DYNC1H1: variants seen among roughly 807,000 people sequenced by gnomAD.
DYNC1H1 encodes dynein cytoplasmic 1 heavy chain 1.
A neutral mutation model predicts 527.1 loss-of-function variants in DYNC1H1; 51 were observed. The ratio of observed to expected loss-of-function variants is 0.10; its 90% CI spans 0.08 to 0.12. The LOEUF (loss-of-function observed/expected upper bound fraction) is 0.12, where lower values mean the gene tolerates loss of function less well. DYNC1H1 is among the 10% of genes least tolerant of loss of function. The pLI is 1.00. For missense variants in DYNC1H1, 2,771 were observed against 5,971.8 expected (o/e 0.46, Z 17.66); for synonymous variants, 2,189 against 2,278.8 (o/e 0.96, Z 1.12).
At position 101,965,242 on chromosome 14, in the gene DYNC1H1, CG is replaced by C. The variant is rs1566991283; in HGVS notation, c.256+296del. ...GTCGCGGGGAGGGGAAAGGGGTCCC[CG>C]TCTGCCGTCACCCAAAACAATGGGG... On this transcript the variant is annotated intron_variant, in intron 1 of 77. Coordinates refer to ENST00000360184, the MANE Select transcript of DYNC1H1 (RefSeq NM_001376.5). The surrounding 1 kb of genome is among the most constrained non-coding windows in gnomAD (Gnocchi z 4.1). Among the ~76,000 whole-genome samples, 1 of 152,190 alleles carries C rather than the reference CG, an allele frequency of 6.6e-6. No individual in the cohort carries two copies. The highest frequency in any genetic ancestry group is 2.4e-5 in the African/African-American group (1 of 41,466).
intron 7 of DYNC1H1, among the ~76,000 whole-genome samples, chr14:101,984,445 A>ATTTTT (rs1444213016): frequency 1.8e-4 from 17 of 92,844 alleles, no homozygotes; most frequent in African/African-American, 5.2e-4. Flanking sequence ...ATATATATAT[A>ATTTTT]TTATATTTTT....
Position 102,044,862 on chromosome 14 carries a change from G to A in DYNC1H1, c.13006+164G>A, listed in dbSNP as rs2048697041. The A allele has an allele frequency of 2.6e-6, 2 of 761,704 alleles. No individual in the cohort carries two copies. Among genetic ancestry groups the A allele is most frequent in the Non-Finnish European group, 4.3e-6 (2 of 461,726 alleles). 47.2% of individuals were successfully genotyped at this position (761,704 alleles called of 1,614,324 possible). On this transcript the variant is annotated intron_variant, in intron 72 of 77. Transcript: ENST00000360184. This position sits in a 1 kb window ranked among gnomAD's most constrained non-coding sequence, Gnocchi z 7.1. ...TCTGTCAGCCTCGGCCTTCCTGCCA[G>A]TCTCCAGCTGCTCCTAGCTCCACTC...
Position 102,027,122 on chromosome 14 carries a change from G to A in DYNC1H1, c.8772-52G>A. On this transcript the variant is annotated intron_variant, in intron 44 of 77. Coordinates refer to ENST00000360184, the MANE Select transcript of DYNC1H1 (RefSeq NM_001376.5). The surrounding 1 kb of genome is among the most constrained non-coding windows in gnomAD (Gnocchi z 7.7). Reference sequence around the variant, plus strand: ...GTAGACACTAGATATGAGTCAAAAGGGGAATGAGGCATTATAAGCCTTAAC... The same window carrying A: ...GTAGACACTAGATATGAGTCAAAAGAGGAATGAGGCATTATAAGCCTTAAC... 1.3e-6 allele frequency: 2 copies of A among 1,566,994 alleles called. No homozygotes were observed. Among genetic ancestry groups the A allele is most frequent in the East Asian group, 2.2e-5 (1 of 44,642 alleles).
rs374841413 is a variant in DYNC1H1, at chr14:102,038,628, C to T, written c.11055+22C>T. The T allele has an allele frequency of 1.3e-4, 212 of 1,614,106 alleles. No individual in the cohort carries two copies. The highest frequency in any genetic ancestry group is 1.7e-4 in the Non-Finnish European group (200 of 1,180,054). ...AACTGTAAGGAATGGGACCCTTCCC[C>T]AGGGAAATCTGGCAGGATGTGGTTT... On this transcript the variant is annotated intron_variant, in intron 58 of 77. Transcript: ENST00000360184. The surrounding 1 kb of genome is among the most constrained non-coding windows in gnomAD (Gnocchi z 7.2).
chr14:102,033,814 A>G lies in DYNC1H1; in HGVS notation c.10414-162A>G. On this transcript the variant is annotated intron_variant, in intron 54 of 77. Transcript: ENST00000360184. This position sits in a 1 kb window ranked among gnomAD's most constrained non-coding sequence, Gnocchi z 5.6. ...TCTGAGTCGTGTGTGGTCATTAGTT[A>G]TATATGATCTGGGTCTCATCTCCTC... 2 of 773,828 alleles carry G rather than the reference A, an allele frequency of 2.6e-6. No individual in the cohort carries two copies. The highest frequency in any genetic ancestry group is 2.1e-5 in the Admixed American group (1 of 46,650). 47.9% of individuals were successfully genotyped at this position (773,828 alleles called of 1,614,324 possible).
In DYNC1H1 at chr14:102,034,450, T is replaced by C. The variant is rs181445947; in HGVS notation, c.10752T>C (p.Asn3584=). The change falls in exon 56 of 78, where the codon AAT becomes AAC. Residue 3584 remains asparagine, a splice_region_variant and synonymous_variant. Transcript: ENST00000360184. ...ATGCCATCATGCTGAAACGATTCAA[T>C]AGGTATGAGCTCGGGTGCCAAGGAG... ...TENAIMLKRF[N]RYPLIIDPSG... The C allele has an allele frequency of 2.7e-5, 44 of 1,612,630 alleles. No homozygotes were observed. In the East Asian group the frequency reaches 9.8e-4, roughly 36 times the overall value.
Position 102,038,355 on chromosome 14 carries a change from C to G in DYNC1H1, c.10909-105C>G, listed in dbSNP as rs1042715308. The G allele has an allele frequency of 9.4e-5, 144 of 1,528,612 alleles. No homozygotes were observed. Among genetic ancestry groups the G allele is most frequent in the South Asian group, 2.3e-4 (19 of 83,064 alleles). The allele number at this position is 1,528,612 out of a possible 1,614,324, so 94.7% of individuals were successfully genotyped here. A position where few individuals can be genotyped will look rare whatever the true frequency, so the allele number is the denominator to read the frequency against. On this transcript the variant is annotated intron_variant, in intron 57 of 77. Transcript: ENST00000360184. This position sits in a 1 kb window ranked among gnomAD's most constrained non-coding sequence, Gnocchi z 7.2. ...GCCACCACACGCAAGTGGCGGGTGG[C>G]TTTTGGGAAGGTATGCTTATCCAGA...
Position 102,048,005 on chromosome 14 carries a change from A to C in DYNC1H1, c.13195A>C (p.Lys4399Gln). 1 of 1,611,760 alleles carries C rather than the reference A, an allele frequency of 6.2e-7. No homozygotes were observed. The highest frequency in any genetic ancestry group is 8.5e-7 in the Non-Finnish European group (1 of 1,179,854). ...CATCCCCCAGACGCTGAGCCACCTCAAGCGCACCGTGGAGAATATCAAGGT... is the reference window on the plus strand; with the variant it reads ...CATCCCCCAGACGCTGAGCCACCTCCAGCGCACCGTGGAGAATATCAAGGT... Reference protein sequence around the residue: ...HLIPQTLSHLKRTVENIKDPL... With the variant: ...HLIPQTLSHLQRTVENIKDPL... Residue 4399 changes from lysine (K) to glutamine (Q), a missense_variant, in exon 73 of 78, where the codon AAG becomes CAG. Physicochemically the swap from Lys to Gln is moderately conservative, Grantham distance 53 (BLOSUM62 1). Coordinates refer to ENST00000360184, the MANE Select transcript of DYNC1H1 (RefSeq NM_001376.5).
In DYNC1H1 at chr14:102,015,099, T is replaced by C; in HGVS notation, c.7015-6T>C. ...TCATTAAATCTGCTTAATGTTTTCT[T>C]TCAAGGTGAGAATAATGTTTGAGGT... On this transcript the variant is annotated splice_polypyrimidine_tract_variant and splice_region_variant and intron_variant, in intron 34 of 77. Transcript: ENST00000360184. The surrounding 1 kb of genome is among the most constrained non-coding windows in gnomAD (Gnocchi z 6.9). 2 of 1,614,244 alleles carry C rather than the reference T, an allele frequency of 1.2e-6. No individual in the cohort carries two copies. The highest frequency in any genetic ancestry group is 1.7e-6 in the Non-Finnish European group (2 of 1,180,032).
intron 52 of DYNC1H1, 79 bp from the exon 53 acceptor site, chr14:102,032,986 C>A: frequency 6.9e-7 from 1 of 1,443,672 alleles, no homozygotes; most frequent in South Asian, 1.2e-5. Context: ...TGGCTCTGGT[C>A]TCTTCCATTT....
chr14:102,043,920 C>A lies in DYNC1H1; in HGVS notation c.12559C>A (p.His4187Asn). 6.2e-7 allele frequency: 1 copy of A among 1,614,228 alleles called. No homozygotes were observed. Among genetic ancestry groups the A allele is most frequent in the East Asian group, 2.2e-5 (1 of 44,886 alleles). The change falls in exon 70 of 78, where the codon CAT becomes AAT. Residue 4187 changes from histidine to asparagine, a missense_variant. His to Asn is a moderately conservative substitution (Grantham distance 68, BLOSUM62 1). This residue lies in a region of DYNC1H1 where 195 missense variants were observed against 428.6 expected (regional missense o/e 0.45). Coordinates refer to ENST00000360184, the MANE Select transcript of DYNC1H1 (RefSeq NM_001376.5). ...ARLYFLLAWFHAIIQERLRYA... is the reference protein window; with the variant it reads ...ARLYFLLAWFNAIIQERLRYA... ...CTTGTACTTCCTGCTGGCCTGGTTTCATGCGATCATCCAAGAACGCTTACG... is the reference window on the plus strand; with the variant it reads ...CTTGTACTTCCTGCTGGCCTGGTTTAATGCGATCATCCAAGAACGCTTACG...
chr14:101,972,576 C>T (rs1303845782), intron 1 of DYNC1H1, among the ~76,000 whole-genome samples: 1 of 152,214 alleles, frequency 6.6e-6, no homozygotes, highest in Non-Finnish European at 1.5e-5. Flanking sequence ...CACCACACAG[C>T]GGTGACTCAT....
rs370256973 is a variant in DYNC1H1, at chr14:102,044,039, G to A, written c.12678G>A (p.Thr4226=). The change falls in exon 70 of 78, where the codon ACG becomes ACA. Residue 4226 remains threonine (T), a synonymous_variant. Transcript: ENST00000360184. The surrounding 1 kb of genome is among the most constrained non-coding windows in gnomAD (Gnocchi z 7.1). ...CGGTGGACACGTGGCTGGATGACAC[G>A]GCCAAGGCAAGTGTGGGCCATGCCA... is the stretch of plus-strand genomic sequence containing the variant. ...CDTVDTWLDD[T]AKGRQNISPD... is the part of the protein sequence containing the mutation. 24 of 1,613,784 alleles carry A rather than the reference G, an allele frequency of 1.5e-5. No homozygotes were observed. The highest frequency in any genetic ancestry group is 8.9e-5 in the East Asian group (4 of 44,876).
At position 101,997,307 on chromosome 14, in the gene DYNC1H1, C is replaced by G; in HGVS notation, c.3804+33C>G. On this transcript the variant is annotated intron_variant, in intron 16 of 77. Transcript: ENST00000360184. The surrounding 1 kb of genome is among the most constrained non-coding windows in gnomAD (Gnocchi z 4.8). ...CCGCCAGGTGGGGACGCAGGAGACT[C>G]CTCACCCAGCAGTGTGATTTGGTGA... 6.2e-7 allele frequency: 1 copy of G among 1,613,800 alleles called. No individual in the cohort carries two copies. Among genetic ancestry groups the G allele is most frequent in the Non-Finnish European group, 8.5e-7 (1 of 1,179,968 alleles).
chr14:102,049,159 T>G lies in DYNC1H1; in HGVS notation c.13373-281T>G. The G allele has an allele frequency of 2.0e-6, 1 of 510,474 alleles. No individual in the cohort carries two copies. The highest frequency in any genetic ancestry group is 3.6e-6 in the Non-Finnish European group (1 of 280,586). 31.6% of individuals were successfully genotyped at this position (510,474 alleles called of 1,614,324 possible). A position where few individuals can be genotyped will look rare whatever the true frequency, so the allele number is the denominator to read the frequency against. ...GTGTGACATGAGGTTTTAGCCGCGGTTTTGCTTGGATGTGATTATGGTCCT... is the reference window on the plus strand; with the variant it reads ...GTGTGACATGAGGTTTTAGCCGCGGGTTTGCTTGGATGTGATTATGGTCCT... On this transcript the variant is annotated intron_variant, in intron 74 of 77. Transcript: ENST00000360184. This position sits in a 1 kb window ranked among gnomAD's most constrained non-coding sequence, Gnocchi z 5.5.
chr14:102,013,563 G>C (rs182907032), intron 34 of DYNC1H1, among the ~76,000 whole-genome samples: 1 of 152,116 alleles, frequency 6.6e-6, no homozygotes, highest in South Asian at 2.1e-4. Context: ...CGGCTGAAGC[G>C]GAGAGGACTG....
intron 18 of DYNC1H1, 22 bp from the exon 19 acceptor site, chr14:102,000,932 C>T: frequency 6.3e-7 from 1 of 1,591,714 alleles, no homozygotes; most frequent in African/African-American, 1.3e-5. Context: ...AGCTAAATAG[C>T]ATCTTATGTT....
chr14:101,988,067 A>G (rs1220025696), intron 9 of DYNC1H1, among the ~76,000 whole-genome samples: 2 of 151,786 alleles, frequency 1.3e-5, no homozygotes, highest in East Asian at 3.9e-4. Context: ...AGACCCTGTC[A>G]CACACACACA....
Position 102,002,948 on chromosome 14 carries a change from G to A in DYNC1H1, c.4866G>A (p.Glu1622=), listed in dbSNP as rs376805489. The change falls in exon 23 of 78, where the codon GAG becomes GAA. Residue 1622 remains glutamate (E), a synonymous_variant. Coordinates refer to ENST00000360184, the MANE Select transcript of DYNC1H1 (RefSeq NM_001376.5). The surrounding 1 kb of genome is among the most constrained non-coding windows in gnomAD (Gnocchi z 4.4). ...CATTGGGAGAATATCTGGAAAGAGA[G>A]CGGTCATCTTTCCCCAGGTAAGATC... is the stretch of plus-strand genomic sequence containing the variant. The part of the protein sequence containing the change: ...QKALGEYLER[E]RSSFPRFYFV... 6.2e-6 allele frequency: 10 copies of A among 1,614,020 alleles called. No individual in the cohort carries two copies. The highest frequency in any genetic ancestry group is 4.0e-5 in the African/African-American group (3 of 74,942).
Sources: allele counts gnomAD v4.1 joint callset (sites outside exome capture counted in the v4.1 genomes callset), GRCh38; gene constraint gnomAD v4.1.1; regional missense constraint gnomAD v4.1.1; non-coding constraint Gnocchi (gnomAD v3.1); transcripts MANE v1.5; gene names NCBI Gene and HGNC (gene_info 2026-07-23, HGNC 2026-07-21).